KLHL14: variants seen among roughly 807,000 people sequenced by gnomAD.
KLHL14 encodes kelch like family member 14.
KLHL14 carries 22 observed loss-of-function variants against 64.3 expected under a neutral mutation model. The observed-to-expected ratio is 0.34, with a 90% CI of 0.24 to 0.49. The LOEUF (loss-of-function observed/expected upper bound fraction) is 0.49, where lower values mean the gene tolerates loss of function less well. Ranked by LOEUF, KLHL14 falls within the 20% of genes least tolerant of loss-of-function variation. The probability of loss-of-function intolerance (pLI) is 0.99; values close to 1 mark genes in which losing one functional copy is unlikely to be tolerated. For synonymous variants in KLHL14, 322 were observed against 333.4 expected, an observed-to-expected ratio of 0.97 and a Z score of 0.37; for missense variants, 661 against 789.0, an observed-to-expected ratio of 0.84 and a Z score of 1.94.
In KLHL14 at chr18:32,674,795, C is replaced by A. The variant is rs1323726246; in HGVS notation, c.1749G>T (p.Gly583=). 2.6e-6 allele frequency: 2 copies of A among 780,250 alleles called. No homozygotes were observed. Among genetic ancestry groups the A allele is most frequent in the South Asian group, 2.7e-5 (2 of 74,548 alleles). 48.3% of individuals were successfully genotyped at this position (780,250 alleles called of 1,614,324 possible). A position where few individuals can be genotyped will look rare whatever the true frequency, so the allele number is the denominator to read the frequency against. ...YLVGGYSWSM[G]AYKSSTICYC... The stretch of plus-strand genomic sequence containing the variant: ...AGCATATTGTAGATGACTTGTAGGC[C>A]CCCTGTAATGACAGAGGAGGGAGCA... The change falls in exon 9 of 9, where the codon GGG becomes GGT. Residue 583 remains glycine (G), a splice_region_variant and synonymous_variant. Transcript: ENST00000359358.
chr18:32,726,014 A>G (rs1404363060), intron 3 of KLHL14, among the ~76,000 whole-genome samples: 1 of 152,222 alleles, frequency 6.6e-6, no homozygotes, highest in Non-Finnish European at 1.5e-5. Flanking sequence ...AAGAGTTACT[A>G]CTATCAGTAT....
At chr18:32,676,869 C>T (rs1523582) in intron 8 of KLHL14, among the ~76,000 whole-genome samples, 52,677 of 151,958 alleles carry the variant, frequency 0.35, 9,940 homozygotes, top group African/African-American at 0.51. Context: ...GACTCTCTTA[C>T]TGAACTGCAG....
chr18:32,700,128 G>A (rs1490247669), intron 3 of KLHL14, among the ~76,000 whole-genome samples: 1 of 152,060 alleles, frequency 6.6e-6, no homozygotes, highest in Non-Finnish European at 1.5e-5. Flanking sequence ...ACCTCTTCCA[G>A]CAGAAAGTAT....
intron 3 of KLHL14, among the ~76,000 whole-genome samples, chr18:32,707,943 G>T (rs2049998647): frequency 6.6e-6 from 1 of 152,174 alleles, no homozygotes; most frequent in South Asian, 2.1e-4. Context: ...AGTAGGAGAT[G>T]GAGAAACTTT....
chr18:32,701,932 T>C (rs2049968033), intron 3 of KLHL14, among the ~76,000 whole-genome samples: 1 of 152,238 alleles, frequency 6.6e-6, no homozygotes, highest in South Asian at 2.1e-4. Context: ...ATTTTACATT[T>C]TGTTGGAACC....
In KLHL14 at chr18:32,674,384, C is replaced by G. The variant is rs1598542804; in HGVS notation, c.*273G>C. ...CTTTCTCCTTTTGCAAGTTAAGATT[C>G]ACATGAAGAGTTTTTGTAAAGCTGG... On this transcript the variant is annotated 3_prime_UTR_variant, in exon 9 of 9. Transcript: ENST00000359358. 2.8e-6 allele frequency: 1 copy of G among 355,370 alleles called. No individual in the cohort carries two copies. The highest frequency in any genetic ancestry group is 5.1e-6 in the Non-Finnish European group (1 of 194,850). The allele number at this position is 355,370 out of a possible 1,614,324, so 22.0% of individuals were successfully genotyped here.
At chr18:32,755,088 G>T (rs1368250353) in intron 2 of KLHL14, among the ~76,000 whole-genome samples, 1 of 151,980 alleles carries the variant, frequency 6.6e-6, no homozygotes, top group Non-Finnish European at 1.5e-5. Flanking sequence ...ATCTTCCTCT[G>T]CTTTTCCTCT....
intron 8 of KLHL14, among the ~76,000 whole-genome samples, chr18:32,675,140 G>T (rs542340370): frequency 6.6e-6 from 1 of 152,186 alleles, no homozygotes; most frequent in Non-Finnish European, 1.5e-5. Context: ...GATCACTTGA[G>T]CCCAGGGGTT....
At chr18:32,742,666 C>T (rs2050204915) in intron 2 of KLHL14, among the ~76,000 whole-genome samples, 1 of 152,140 alleles carries the variant, frequency 6.6e-6, no homozygotes, top group Non-Finnish European at 1.5e-5. Flanking sequence ...CTCCCCTCTG[C>T]TCTCCCCCTG....
chr18:32,733,676 G>C (rs2050147944), intron 3 of KLHL14: 1 of 154,852 alleles, frequency 6.5e-6, no homozygotes, highest in Admixed American at 6.3e-5. Flanking sequence ...ATATTCATCA[G>C]GGTCACTTCA....
At chr18:32,713,762 A>G (rs2050031687) in intron 3 of KLHL14, among the ~76,000 whole-genome samples, 1 of 152,164 alleles carries the variant, frequency 6.6e-6, no homozygotes, top group Non-Finnish European at 1.5e-5. Flanking sequence ...TAGTAGTATG[A>G]TATTTCTTTT....
At chr18:32,723,105 A>T (rs1272348060) in intron 3 of KLHL14, among the ~76,000 whole-genome samples, 1 of 152,132 alleles carries the variant, frequency 6.6e-6, no homozygotes, top group Non-Finnish European at 1.5e-5. Context: ...CTTCCACTTC[A>T]ATTTGTTTGT....
At position 32,680,070 on chromosome 18, in the gene KLHL14, A is replaced by T; in HGVS notation, c.1588+99T>A. 1.7e-6 allele frequency: 2 copies of T among 1,196,908 alleles called. No individual in the cohort carries two copies. Among genetic ancestry groups the T allele is most frequent in the South Asian group, 1.5e-5 (1 of 65,016 alleles). 74.1% of individuals were successfully genotyped at this position (1,196,908 alleles called of 1,614,324 possible). A position where few individuals can be genotyped will look rare whatever the true frequency, so the allele number is the denominator to read the frequency against. ...ATTTTATTAGGTCAACATGTTTTTT[A>T]CTTGGTTAACTATGATTATCTAAGG... is the stretch of plus-strand genomic sequence containing the variant. On this transcript the variant is annotated intron_variant, in intron 7 of 8. Coordinates refer to ENST00000359358, the MANE Select transcript of KLHL14 (RefSeq NM_020805.3). This position sits in a 1 kb window ranked among gnomAD's most constrained non-coding sequence, Gnocchi z 4.8.
chr18:32,716,554 G>A (rs1303824265), intron 3 of KLHL14, among the ~76,000 whole-genome samples: 1 of 151,964 alleles, frequency 6.6e-6, no homozygotes. Context: ...AGCTGGGATT[G>A]TAGGCACACG....
At chr18:32,755,867 T>C (rs951387273) in intron 2 of KLHL14, among the ~76,000 whole-genome samples, 2 of 150,946 alleles carry the variant, frequency 1.3e-5, no homozygotes, top group African/African-American at 4.9e-5. Context: ...AGGATCTGAA[T>C]TTTTTTTTCT....
intron 3 of KLHL14, among the ~76,000 whole-genome samples, chr18:32,703,174 T>C (rs1432332945): frequency 6.6e-6 from 1 of 152,246 alleles, no homozygotes; most frequent in Non-Finnish European, 1.5e-5. Flanking sequence ...TGTAGCTTCA[T>C]GCCTAGCACA....
intron 3 of KLHL14, among the ~76,000 whole-genome samples, chr18:32,741,663 C>T (rs117971076): frequency 7.4e-4 from 112 of 152,272 alleles, no homozygotes; most frequent in Middle Eastern, 6.8e-3. Flanking sequence ...CTTTGCTCCT[C>T]CCCCACACCC....
intron 1 of KLHL14, among the ~76,000 whole-genome samples, chr18:32,771,666 C>T (rs1012284677): frequency 1.1e-4 from 16 of 152,078 alleles, no homozygotes; most frequent in Admixed American, 2.6e-4. Context: ...GCCGGGAGGC[C>T]TGGAGGCCGG....
chr18:32,719,223 T>C (rs546696843), intron 3 of KLHL14, among the ~76,000 whole-genome samples: 1 of 152,226 alleles, frequency 6.6e-6, no homozygotes, highest in Non-Finnish European at 1.5e-5. Flanking sequence ...ACTGGGATTA[T>C]AGGCGTAAGC....
Sources: allele counts gnomAD v4.1 joint callset (sites outside exome capture counted in the v4.1 genomes callset), GRCh38; gene constraint gnomAD v4.1.1; non-coding constraint Gnocchi (gnomAD v3.1); transcripts MANE v1.5; gene names NCBI Gene and HGNC (gene_info 2026-07-23, HGNC 2026-07-21).